ULK1: variants seen among roughly 807,000 people sequenced by gnomAD.
The protein encoded by ULK1 is unc-51 like autophagy activating kinase 1, also known as serine/threonine-protein kinase ULK1.
In ULK1, 48 loss-of-function variants were observed where a neutral mutation model predicts 117.5. The ratio of observed to expected loss-of-function variants is 0.41; its 90% CI spans 0.32 to 0.52. The LOEUF (loss-of-function observed/expected upper bound fraction) is 0.52, where lower values mean the gene tolerates loss of function less well. Among genes scored for constraint, ULK1 ranks in the 20% least tolerant of loss-of-function variants. The probability of loss-of-function intolerance (pLI) is 0.29; values close to 1 mark genes in which losing one functional copy is unlikely to be tolerated. For missense variants in ULK1, 1,387 were observed against 1,473.4 expected, an observed-to-expected ratio of 0.94 and a Z score of 0.96; for synonymous variants, 790 against 637.8, an observed-to-expected ratio of 1.24 and a Z score of -3.60.
Position 131,902,825 on chromosome 12 carries a change from G to A in ULK1, c.247-4067G>A, listed in dbSNP as rs1889139005. Among the ~76,000 whole-genome samples the A allele has an allele frequency of 6.6e-6, 1 of 152,172 alleles. No homozygotes were observed. The highest frequency in any genetic ancestry group is 2.1e-4 in the South Asian group (1 of 4,830). On this transcript the variant is annotated intron_variant, in intron 3 of 27. Transcript: ENST00000321867. The surrounding 1 kb of genome is among the most constrained non-coding windows in gnomAD (Gnocchi z 6.3). ...CGAGCTGCTCTGCCTGGGGTGGCCG[G>A]TTTCCTCCCCTGGAGCCCAGGGAGG...
rs1358630534 is a variant in ULK1, at chr12:131,922,777, C to T, written c.*1416C>T. 1 of 152,510 alleles carries T rather than the reference C, an allele frequency of 6.6e-6. No individual in the cohort carries two copies. The highest frequency in any genetic ancestry group is 2.4e-5 in the African/African-American group (1 of 41,472). 9.4% of individuals were successfully genotyped at this position (152,510 alleles called of 1,614,324 possible). A position where few individuals can be genotyped will look rare whatever the true frequency, so the allele number is the denominator to read the frequency against. ...CACACGTGTGTTTTTCTTTGCAATACTTGAAATATTGCCACTGTGCTTGGA... is the reference window on the plus strand; with the variant it reads ...CACACGTGTGTTTTTCTTTGCAATATTTGAAATATTGCCACTGTGCTTGGA... On this transcript the variant is annotated 3_prime_UTR_variant, in exon 28 of 28. Transcript: ENST00000321867.
rs761111618 is a variant in ULK1, at chr12:131,908,660, C to T, written c.333C>T (p.Ser111=). Residue 111 remains serine, a synonymous_variant, in exon 6 of 28, where the codon AGC becomes AGT. Transcript: ENST00000321867. ...ADYLHAMRTL[S]EDTIRLFLQQ... ...TCCCCGCAGCCATGCGCACGCTGAG[C>T]GAGGACACCATCAGGCTCTTCCTGC... 2.6e-6 allele frequency: 4 copies of T among 1,550,786 alleles called. No homozygotes were observed. The highest frequency in any genetic ancestry group is 2.3e-5 in the East Asian group (1 of 43,378).
intron 3 of ULK1, among the ~76,000 whole-genome samples, chr12:131,899,076 G>A (rs999580991): frequency 1.3e-5 from 2 of 149,406 alleles, no homozygotes; most frequent in African/African-American, 4.9e-5. Context: ...TACAATTTTC[G>A]CCACATTGGC....
Position 131,915,239 on chromosome 12 carries a change from T to A in ULK1, c.1522+8T>A, listed in dbSNP as rs1889721633. On this transcript the variant is annotated splice_region_variant and intron_variant, in intron 17 of 27. Coordinates refer to ENST00000321867, the MANE Select transcript of ULK1 (RefSeq NM_003565.4). ...ACACGCCATCTCCTCAAGGTGCGCCTGCAGGCTGGGGCCTGGGAAGGGGCG... is the reference window on the plus strand; with the variant it reads ...ACACGCCATCTCCTCAAGGTGCGCCAGCAGGCTGGGGCCTGGGAAGGGGCG... The A allele has an allele frequency of 6.2e-7, 1 of 1,603,792 alleles. No homozygotes were observed. Among genetic ancestry groups the A allele is most frequent in the Non-Finnish European group, 8.5e-7 (1 of 1,175,252 alleles).
At chr12:131,920,893 C>T in intron 26 of ULK1, 1 of 691,146 alleles carries the variant, frequency 1.4e-6, no homozygotes, top group Non-Finnish European at 2.3e-6. Context: ...AGAGCGCTGG[C>T]CAGGGTCATC....
At chr12:131,920,305 G>C in intron 26 of ULK1, 169 bp downstream of exon 26, 1 of 877,632 alleles carries the variant, frequency 1.1e-6, no homozygotes, top group Non-Finnish European at 1.7e-6. Context: ...GCAGGCGCTC[G>C]CAGCTCGGCT....
intron 18 of ULK1, among the ~76,000 whole-genome samples, chr12:131,915,682 C>A (rs1889745771): frequency 6.6e-6 from 1 of 152,072 alleles, no homozygotes; most frequent in African/African-American, 2.4e-5. Context: ...GGCAGGAGAA[C>A]CGCTTGAACC....
At chr12:131,900,373 AC>A in intron 3 of ULK1, among the ~76,000 whole-genome samples, 1 of 152,290 alleles carries the variant, frequency 6.6e-6, no homozygotes, top group East Asian at 1.9e-4. Context: ...TTTTAGCCAT[AC>A]AAAATTGTGA....
chr12:131,909,161 A>G lies in ULK1; in HGVS notation c.590A>G (p.His197Arg), dbSNP rs756352855. The change falls in exon 8 of 28, where the codon CAC becomes CGC. Residue 197 changes from histidine (H) to arginine (R), a missense_variant. Physicochemically the swap from His to Arg is conservative, Grantham distance 29 (BLOSUM62 0). Transcript: ENST00000321867. ...YMAPEVIMSQ[H>R]YDGKADLWSI... ...GCCCCCGAGGTCATCATGTCCCAGC[A>G]CTACGACGGGAAGGCGGACCTGTGG... 1.2e-6 allele frequency: 2 copies of G among 1,609,842 alleles called. No individual in the cohort carries two copies. Among genetic ancestry groups the G allele is most frequent in the East Asian group, 2.2e-5 (1 of 44,684 alleles).
intron 15 of ULK1, 49 bp downstream of exon 15, chr12:131,913,885 G>C (rs1889657254): frequency 4.2e-6 from 6 of 1,413,246 alleles, no homozygotes; most frequent in Non-Finnish European, 5.6e-6. Flanking sequence ...CAGTCCCCCG[G>C]CTGGAGGTTG....
intron 5 of ULK1, among the ~76,000 whole-genome samples, chr12:131,907,831 G>A (rs1425952608): frequency 6.6e-6 from 1 of 152,122 alleles, no homozygotes; most frequent in Non-Finnish European, 1.5e-5. Flanking sequence ...TCATAGTGTG[G>A]CTGGAAGGCG....
Position 131,921,445 on chromosome 12 carries a change from C to A in ULK1, c.*84C>A. 1 of 1,580,020 alleles carries A rather than the reference C, an allele frequency of 6.3e-7. No individual in the cohort carries two copies. Among genetic ancestry groups the A allele is most frequent in the Non-Finnish European group, 8.6e-7 (1 of 1,165,192 alleles). The stretch of plus-strand genomic sequence containing the variant: ...GCTGGCTGGACTCCTCGGGACAAGC[C>A]CATGGCGCTGATCGCTGGTGCTGAG... On this transcript the variant is annotated 3_prime_UTR_variant, in exon 28 of 28. Coordinates refer to ENST00000321867, the MANE Select transcript of ULK1 (RefSeq NM_003565.4).
chr12:131,906,733 G>C lies in ULK1; in HGVS notation c.247-159G>C, dbSNP rs994717411. The C allele has an allele frequency of 8.4e-6, 7 of 829,022 alleles. No individual in the cohort carries two copies. In the East Asian group the frequency reaches 1.7e-4, roughly 20 times the overall value. 51.4% of individuals were successfully genotyped at this position (829,022 alleles called of 1,614,324 possible). ...AAAACAGAACACACCCACCTACAAA[G>C]CACGTGGCCCAGAGATGTCCTCGTC... On this transcript the variant is annotated intron_variant, in intron 3 of 27. Coordinates refer to ENST00000321867, the MANE Select transcript of ULK1 (RefSeq NM_003565.4).
rs1889106896 is a variant in ULK1 at position 131,901,946 on chromosome 12, C to T, written c.247-4946C>T. On this transcript the variant is annotated intron_variant, in intron 3 of 27. Transcript: ENST00000321867. ...CTTTTTCCAAGCAAGGTCGTGCCCT[C>T]AGAAGGGTTGGGCCACCCACCCCTG... Among the ~76,000 whole-genome samples the T allele has an allele frequency of 2.6e-5, 4 of 152,268 alleles. No homozygotes were observed. In the South Asian group the frequency reaches 6.2e-4, roughly 24 times the overall value.
chr12:131,917,274 GTTCGGCTCGGAGGCT>G, intron 21 of ULK1, 122 bp from the exon 22 acceptor site: 1 of 682,516 alleles, frequency 1.5e-6, no homozygotes, highest in Non-Finnish European at 2.0e-6. Flanking sequence ...CGGGGGTCGG[GTTCGGCTCGGAGGCT>G]GTGGGACGGG....
chr12:131,910,862 C>G, intron 12 of ULK1, 62 bp downstream of exon 12: 1 of 1,601,838 alleles, frequency 6.2e-7, no homozygotes, highest in Non-Finnish European at 8.5e-7. Context: ...GGGGCTCCAG[C>G]CCTGGGCCCC....
Position 131,919,348 on chromosome 12 carries a change from T to C in ULK1, c.2648T>C (p.Val883Ala), listed in dbSNP as rs370822339. The change falls in exon 24 of 28, where the codon GTG (valine) becomes GCG (alanine). Residue 883 changes from valine (V) to alanine (A), a missense_variant. Physicochemically the swap from Val to Ala is moderately conservative, Grantham distance 64 (BLOSUM62 0). This residue lies in a region of ULK1 where 900 missense variants were observed against 858.9 expected (regional missense o/e 1.05). Coordinates refer to ENST00000321867, the MANE Select transcript of ULK1 (RefSeq NM_003565.4). ...GAGTACCAGCTGCAGGAGAGTGTGG[T>C]GGCCGACCAGATCAGCCTGCTGAGC... is the stretch of plus-strand genomic sequence containing the variant. ...GPEYQLQESVVADQISLLSRE... is the reference protein window; with the variant it reads ...GPEYQLQESVAADQISLLSRE... The C allele has an allele frequency of 2.9e-5, 38 of 1,306,564 alleles. No individual in the cohort carries two copies. Among genetic ancestry groups the C allele is most frequent in the Non-Finnish European group, 3.7e-5 (37 of 997,168 alleles). The allele number at this position is 1,306,564 out of a possible 1,614,324, so 80.9% of individuals were successfully genotyped here.
chr12:131,898,136 T>C (rs1888950289), intron 3 of ULK1: 1 of 152,230 alleles, frequency 6.6e-6, no homozygotes, highest in Admixed American at 6.6e-5. Context: ...GGAGCCATCG[T>C]GGAGGTGCTA....
intron 20 of ULK1, 111 bp downstream of exon 20, chr12:131,916,702 C>A: frequency 7.5e-7 from 1 of 1,334,694 alleles, no homozygotes; most frequent in Non-Finnish European, 9.9e-7. Flanking sequence ...CAGCCTTGCC[C>A]TTCTGTGGGT....
Sources: allele counts gnomAD v4.1 joint callset (sites outside exome capture counted in the v4.1 genomes callset), GRCh38; gene constraint gnomAD v4.1.1; regional missense constraint gnomAD v4.1.1; non-coding constraint Gnocchi (gnomAD v3.1); transcripts MANE v1.5; gene names NCBI Gene and HGNC (gene_info 2026-07-23, HGNC 2026-07-21).